Variants in XKR4 observed in about 807,000 individuals in gnomAD.
XKR4 encodes XK related 4, also known as XK-related protein 4.
Under a neutral mutation model 53.9 loss-of-function variants are expected in XKR4, and 12 were observed. The observed-to-expected ratio is 0.22, with a 90% CI of 0.14 to 0.36. The LOEUF (loss-of-function observed/expected upper bound fraction) is 0.36, where lower values mean the gene tolerates loss of function less well. Among genes scored for constraint, XKR4 ranks in the 10% least tolerant of loss-of-function variants. The pLI is 1.00. For synonymous variants in XKR4, 354 were observed against 362.4 expected (o/e 0.98, Z 0.26); for missense variants, 799 against 859.5 (o/e 0.93, Z 0.88).
chr8:55,161,405 G>C, intron 1 of XKR4: 2 of 395,486 alleles, frequency 5.1e-6, no homozygotes, highest in Admixed American at 6.0e-5. Context: ...CACAGTGACT[G>C]TCATAATTCC....
At chr8:55,514,180 A>T (rs1454653832) in intron 2 of XKR4, among the ~76,000 whole-genome samples, 1 of 151,828 alleles carries the variant, frequency 6.6e-6, no homozygotes, top group African/African-American at 2.4e-5. Flanking sequence ...TTGAAGAAGT[A>T]GTGCTGTGAG....
chr8:55,283,674 TA>T (rs1446978730), intron 1 of XKR4, among the ~76,000 whole-genome samples: 3 of 152,184 alleles, frequency 2.0e-5, no homozygotes, highest in East Asian at 3.8e-4. Flanking sequence ...TCTTGAGAAA[TA>T]AACTCCAATA....
intron 2 of XKR4, among the ~76,000 whole-genome samples, chr8:55,460,405 GT>G (rs906478663): frequency 2.6e-5 from 4 of 152,204 alleles, no homozygotes; most frequent in African/African-American, 9.7e-5. Context: ...CTTAAAACAA[GT>G]GGATATTATG....
chr8:55,283,918 T>G (rs1207391622), intron 1 of XKR4, among the ~76,000 whole-genome samples: 1 of 152,160 alleles, frequency 6.6e-6, no homozygotes, highest in Non-Finnish European at 1.5e-5. Context: ...TGGTAAGTTT[T>G]TAAACTAGAT....
intron 1 of XKR4, among the ~76,000 whole-genome samples, chr8:55,254,718 T>G (rs1818410422): frequency 6.6e-6 from 1 of 152,058 alleles, no homozygotes; most frequent in Admixed American, 6.5e-5. Context: ...CTCTCTAGAG[T>G]CAGCCTGTCA....
chr8:55,373,990 T>C (rs1804111987), intron 2 of XKR4, among the ~76,000 whole-genome samples: 1 of 152,028 alleles, frequency 6.6e-6, no homozygotes, highest in Non-Finnish European at 1.5e-5. Flanking sequence ...GTCGGAGAAG[T>C]GCGAGGTCTC....
intron 1 of XKR4, among the ~76,000 whole-genome samples, chr8:55,354,479 G>A (rs1017861848): frequency 6.6e-6 from 1 of 152,180 alleles, no homozygotes. Flanking sequence ...GGGGGGAGGA[G>A]CAGAGGCAGC....
intron 2 of XKR4, among the ~76,000 whole-genome samples, chr8:55,508,231 A>T (rs1806575052): frequency 6.6e-6 from 1 of 152,132 alleles, no homozygotes; most frequent in Admixed American, 6.5e-5. Context: ...TTTGTGTTTT[A>T]TACGGTCTGT....
intron 2 of XKR4, among the ~76,000 whole-genome samples, chr8:55,387,080 C>T (rs1226817019): frequency 6.6e-6 from 1 of 152,214 alleles, no homozygotes; most frequent in Admixed American, 6.5e-5. Context: ...GCTTCCAGGT[C>T]CGCTTCTGTA....
intron 2 of XKR4, among the ~76,000 whole-genome samples, chr8:55,511,023 G>C (rs1806618265): frequency 6.6e-6 from 1 of 152,194 alleles, no homozygotes; most frequent in Non-Finnish European, 1.5e-5. Context: ...AAATCACCTA[G>C]AAAGGCACTG....
At chr8:55,401,038 ATG>A (rs1361426806) in intron 2 of XKR4, among the ~76,000 whole-genome samples, 2 of 152,318 alleles carry the variant, frequency 1.3e-5, no homozygotes, top group South Asian at 2.1e-4. Flanking sequence ...TTCCTTGTGG[ATG>A]CTGTACCTGA....
At chr8:55,465,997 G>C (rs904382659) in intron 2 of XKR4, among the ~76,000 whole-genome samples, 1 of 152,092 alleles carries the variant, frequency 6.6e-6, no homozygotes, top group Non-Finnish European at 1.5e-5. Context: ...ACAGGTGCTG[G>C]AGAGGATGTG....
intron 2 of XKR4, among the ~76,000 whole-genome samples, chr8:55,456,572 G>A (rs1585584086): frequency 6.6e-6 from 1 of 152,154 alleles, no homozygotes; most frequent in African/African-American, 2.4e-5. Flanking sequence ...GAGAGAAATA[G>A]AACCCAAATA....
intron 1 of XKR4, among the ~76,000 whole-genome samples, chr8:55,199,374 CATAG>C (rs1197318508): frequency 1.3e-5 from 2 of 152,174 alleles, no homozygotes; most frequent in Non-Finnish European, 2.9e-5. Flanking sequence ...GTGTGTAGTT[CATAG>C]ATAATTGTTA....
intron 2 of XKR4, among the ~76,000 whole-genome samples, chr8:55,500,325 A>T (rs1313058058): frequency 6.6e-6 from 1 of 152,070 alleles, no homozygotes; most frequent in African/African-American, 2.4e-5. Context: ...CTTCACCAGT[A>T]TTGAAAGCCA....
chr8:55,317,655 G>A (rs1803114318), intron 1 of XKR4, among the ~76,000 whole-genome samples: 2 of 152,188 alleles, frequency 1.3e-5, no homozygotes, highest in Non-Finnish European at 2.9e-5. Flanking sequence ...GCTAGGCCCA[G>A]GCAGTGATGG....
intron 1 of XKR4, among the ~76,000 whole-genome samples, chr8:55,253,977 C>T (rs371385498): frequency 9.2e-5 from 14 of 152,072 alleles, no homozygotes; most frequent in African/African-American, 3.4e-4. Flanking sequence ...TGCCTGGCCC[C>T]CCAAAGTGCT....
chr8:55,540,388 T>C lies in XKR4; in HGVS notation c.*16161T>C, dbSNP rs1223679123. On this transcript the variant is annotated 3_prime_UTR_variant, in exon 3 of 3. Coordinates refer to ENST00000327381, the MANE Select transcript of XKR4 (RefSeq NM_052898.2). ...TGACATATTATTATCATCACAAAAT[T>C]CCTTTTATATCTAGATGGTATCAAA... 6.6e-6 allele frequency: 1 copy of C among 152,182 alleles called. No individual in the cohort carries two copies. The highest frequency in any genetic ancestry group is 1.5e-5 in the Non-Finnish European group (1 of 68,024). The allele number at this position is 152,182 out of a possible 1,614,324, so 9.4% of individuals were successfully genotyped here.
intron 1 of XKR4, among the ~76,000 whole-genome samples, chr8:55,319,657 TA>T (rs1441895778): frequency 6.6e-6 from 1 of 152,186 alleles, no homozygotes; most frequent in Non-Finnish European, 1.5e-5. Flanking sequence ...AGGCACATCA[TA>T]AAAAATGCTA....
Sources: gnomAD v4.1 joint callset for allele counts (sites outside exome capture counted in the v4.1 genomes callset) on GRCh38, gnomAD v4.1.1 for gene constraint, MANE v1.5 for transcripts, NCBI Gene and HGNC (gene_info 2026-07-23, HGNC 2026-07-21) for gene names.